TENM1: variants seen among roughly 807,000 people sequenced by gnomAD.
TENM1 encodes the protein teneurin transmembrane protein 1.
Under a neutral mutation model 174.8 loss-of-function variants are expected in TENM1, and 35 were observed. The ratio of observed to expected loss-of-function variants is 0.20; its 90% CI spans 0.15 to 0.27. The LOEUF (loss-of-function observed/expected upper bound fraction) is 0.27. Among genes scored for constraint, TENM1 ranks in the 10% least tolerant of loss-of-function variants. The pLI is 1.00. For missense variants in TENM1, 1,633 were observed against 2,130.1 expected, an observed-to-expected ratio of 0.77 and a Z score of 4.59; for synonymous variants, 781 against 798.7, an observed-to-expected ratio of 0.98 and a Z score of 0.37.
At chrX:124,653,171 C>CA (rs2051354150) in intron 7 of TENM1, among the ~76,000 whole-genome samples, 1 of 111,731 alleles carries the variant, frequency 9.0e-6, no homozygotes, top group Non-Finnish European at 1.9e-5. Context: ...ACCTGTAAGA[C>CA]AAAACCTAAC....
the TENM1 span, among the ~76,000 whole-genome samples, chrX:124,982,368 T>G: frequency 1.8e-5 from 2 of 110,120 alleles, no homozygotes; most frequent in East Asian, 2.9e-4. Context: ...GAATAATATC[T>G]TTGCACTTTT....
chrX:125,083,578 C>A, the TENM1 span, among the ~76,000 whole-genome samples: 1 of 109,975 alleles, frequency 9.1e-6, no homozygotes, highest in Non-Finnish European at 1.9e-5. Context: ...TTTTGAAAGT[C>A]AAAAAAACCC....
At chrX:125,103,575 G>T in the TENM1 span, among the ~76,000 whole-genome samples, 2 of 111,999 alleles carry the variant, frequency 1.8e-5, no homozygotes, top group Admixed American at 1.9e-4. Flanking sequence ...TAAGGGGGTT[G>T]CTCTACTAAA....
At chrX:125,123,424 A>AAAAATAAAATAAAATAAAATAAAAT in the TENM1 span, among the ~76,000 whole-genome samples, 60 of 95,002 alleles carry the variant, frequency 6.3e-4, no homozygotes, top group Middle Eastern at 5.2e-3. Flanking sequence ...ATCTCTACAA[A>AAAAATAAAATAAAATAAAATAAAAT]AAAATAAAAT....
chrX:124,945,004 A>G (rs755083817), intron 1 of TENM1, among the ~76,000 whole-genome samples: 2 of 110,968 alleles, frequency 1.8e-5, no homozygotes, highest in East Asian at 5.7e-4. Flanking sequence ...AGTTTAGACA[A>G]TAAATCATAT....
At chrX:124,826,040 A>C (rs1339459755) in intron 3 of TENM1, among the ~76,000 whole-genome samples, 1 of 111,710 alleles carries the variant, frequency 9.0e-6, no homozygotes, top group Non-Finnish European at 1.9e-5. Context: ...CTGACCTATT[A>C]TTTTACTGCT....
intron 3 of TENM1, among the ~76,000 whole-genome samples, chrX:124,837,977 A>G (rs1457224154): frequency 8.9e-6 from 1 of 112,256 alleles, no homozygotes; most frequent in Non-Finnish European, 1.9e-5. Flanking sequence ...TCGCACTTAA[A>G]GAAAATGAAA....
the TENM1 span, among the ~76,000 whole-genome samples, chrX:125,154,317 G>A: frequency 9.0e-4 from 101 of 112,060 alleles, no homozygotes; most frequent in African/African-American, 3.0e-3. Flanking sequence ...GAAGTCATGA[G>A]AAAGAGTAAG....
intron 3 of TENM1, among the ~76,000 whole-genome samples, chrX:124,843,220 T>A (rs970202477): frequency 3.6e-5 from 4 of 111,831 alleles, no homozygotes; most frequent in Non-Finnish European, 7.5e-5. Flanking sequence ...TAATAAAAAA[T>A]TAAACTTGTT....
intron 23 of TENM1, among the ~76,000 whole-genome samples, chrX:124,437,522 T>C (rs958402130): frequency 9.0e-6 from 1 of 111,436 alleles, no homozygotes; most frequent in Non-Finnish European, 1.9e-5. Context: ...AAACTTCTCA[T>C]TCTTGCAATT....
chrX:124,512,997 T>C (rs2047617671), intron 18 of TENM1, among the ~76,000 whole-genome samples: 1 of 111,919 alleles, frequency 8.9e-6, no homozygotes, highest in African/African-American at 3.2e-5. Flanking sequence ...AAATCATTGC[T>C]CTAACTGGAC....
intron 6 of TENM1, among the ~76,000 whole-genome samples, chrX:124,666,417 C>T (rs1218642398): frequency 2.7e-5 from 3 of 111,679 alleles, no homozygotes. Flanking sequence ...AACAATTTTG[C>T]TTAAGAAATT....
In TENM1 at chrX:124,665,136, G is replaced by A. The variant is rs186668497; in HGVS notation, c.1168+6547C>T. The stretch of plus-strand genomic sequence containing the variant: ...GCAGATCACCGGAGGTTGGGAGTTC[G>A]AGACCAGCCTGACCAACATGAAGAA... On this transcript the variant is annotated intron_variant, in intron 6 of 31. Transcript: ENST00000422452. 4.3e-4 allele frequency among the ~76,000 whole-genome samples: 48 copies of A among 111,702 alleles called. 1 individual carries two copies. Among genetic ancestry groups the A allele is most frequent in the African/African-American group, 1.4e-3 (44 of 30,792 alleles).
chrX:124,640,857 A>G (rs1388222032), intron 11 of TENM1, among the ~76,000 whole-genome samples: 1 of 106,491 alleles, frequency 9.4e-6, no homozygotes, highest in African/African-American at 3.5e-5. Flanking sequence ...GCTACTCGGG[A>G]GGCTGAGGCA....
intron 11 of TENM1, among the ~76,000 whole-genome samples, chrX:124,628,494 A>G (rs2050687883): frequency 9.0e-6 from 1 of 111,565 alleles, no homozygotes; most frequent in Non-Finnish European, 1.9e-5. Flanking sequence ...TATATCCAAA[A>G]TATCATTTCA....
intron 15 of TENM1, 42 bp downstream of exon 18, chrX:124,546,832 A>T: frequency 9.6e-7 from 1 of 1,041,269 alleles, no homozygotes; most frequent in Non-Finnish European, 1.3e-6. Flanking sequence ...CAGGAAAAAC[A>T]TGACCATTGT....
chrX:124,411,390 G>T (rs2060532385), intron 25 of TENM1, among the ~76,000 whole-genome samples: 1 of 110,898 alleles, frequency 9.0e-6, no homozygotes, highest in Non-Finnish European at 1.9e-5. Context: ...GGTGAAGGAG[G>T]CAATGGTGTT....
chrX:124,968,390 T>G (rs2147834026), upstream of TENM1, among the ~76,000 whole-genome samples: 1 of 111,899 alleles, frequency 8.9e-6, no homozygotes, highest in East Asian at 2.8e-4. Flanking sequence ...TGTTGTGTTT[T>G]GGCAAATATG....
intron 3 of TENM1, among the ~76,000 whole-genome samples, chrX:124,845,860 GGA>G (rs1451378341): frequency 1.8e-5 from 2 of 110,055 alleles, no homozygotes; most frequent in Non-Finnish European, 3.8e-5. Flanking sequence ...GGAGAAGAGA[GGA>G]GAGTACAATG....
Sources: allele counts gnomAD v4.1 joint callset (sites outside exome capture counted in the v4.1 genomes callset), GRCh38; gene constraint gnomAD v4.1.1; transcripts MANE v1.5; gene names NCBI Gene and HGNC (gene_info 2026-07-23, HGNC 2026-07-21).